The following FOXO1 variants were observed in gnomAD, a reference collection of about 807,000 sequenced individuals.
The protein encoded by FOXO1 is forkhead box O1.
Under a neutral mutation model 44.1 loss-of-function variants are expected in FOXO1, and 6 were observed. The ratio of observed to expected loss-of-function variants is 0.14; its 90% CI spans 0.07 to 0.27. The LOEUF (loss-of-function observed/expected upper bound fraction) is 0.27. Among genes scored for constraint, FOXO1 ranks in the 10% least tolerant of loss-of-function variants. The probability of loss-of-function intolerance (pLI) is 1.00; values close to 1 mark genes in which losing one functional copy is unlikely to be tolerated. For synonymous variants in FOXO1, 380 were observed against 362.7 expected (o/e 1.05, Z -0.54); for missense variants, 737 against 888.8 (o/e 0.83, Z 2.17).
intron 1 of FOXO1, chr13:40,619,192 G>T (rs910600551): frequency 1.7e-5 from 6 of 358,810 alleles, no homozygotes; most frequent in Non-Finnish European, 2.7e-5. Context: ...TACTCAGGAG[G>T]CTGAGGCAGG....
chr13:40,575,090 C>T (rs149321491), intron 1 of FOXO1, among the ~76,000 whole-genome samples: 295 of 151,770 alleles, frequency 1.9e-3, no homozygotes, highest in Middle Eastern at 3.4e-3. Context: ...CCAGCACTTT[C>T]GGAGGCAAAG....
intron 1 of FOXO1, among the ~76,000 whole-genome samples, chr13:40,610,434 C>A (rs774315284): frequency 2.4e-4 from 37 of 152,118 alleles, no homozygotes; most frequent in Non-Finnish European, 4.3e-4. Context: ...TTGTAATAAG[C>A]AGGTAATCCT....
chr13:40,657,226 T>C (rs1877886214), intron 1 of FOXO1, among the ~76,000 whole-genome samples: 1 of 152,104 alleles, frequency 6.6e-6, no homozygotes, highest in Admixed American at 6.5e-5. Flanking sequence ...ATGTCATTAG[T>C]AGAAAAGGTA....
At chr13:40,589,255 T>C (rs572433567) in intron 1 of FOXO1, among the ~76,000 whole-genome samples, 1 of 152,294 alleles carries the variant, frequency 6.6e-6, no homozygotes, top group Admixed American at 6.5e-5. Context: ...AACAGTTTAA[T>C]ACAACTCAAT....
At chr13:40,628,966 C>A (rs1876875258) in intron 1 of FOXO1, among the ~76,000 whole-genome samples, 1 of 152,160 alleles carries the variant, frequency 6.6e-6, no homozygotes, top group Admixed American at 6.5e-5. Context: ...ATACACTTAC[C>A]CAAACTCCCA....
At chr13:40,647,231 G>T (rs1309422503) in intron 1 of FOXO1, among the ~76,000 whole-genome samples, 2 of 151,986 alleles carry the variant, frequency 1.3e-5, no homozygotes, top group African/African-American at 4.8e-5. Context: ...TAACTTGTGT[G>T]GCCACCACCC....
intron 1 of FOXO1, among the ~76,000 whole-genome samples, chr13:40,599,197 AG>A (rs1875719798): frequency 6.6e-6 from 1 of 151,364 alleles, no homozygotes; most frequent in Non-Finnish European, 1.5e-5. Context: ...TGGCAATAAA[AG>A]TCAAGTGAAA....
intron 1 of FOXO1, among the ~76,000 whole-genome samples, chr13:40,642,606 C>T (rs1048290838): frequency 6.6e-6 from 1 of 152,172 alleles, no homozygotes; most frequent in Non-Finnish European, 1.5e-5. Flanking sequence ...TTAATTCCAG[C>T]CCTCTGTTCT....
At chr13:40,570,767 T>G (rs1274146987) in intron 1 of FOXO1, among the ~76,000 whole-genome samples, 2 of 152,214 alleles carry the variant, frequency 1.3e-5, no homozygotes, top group Admixed American at 6.5e-5. Context: ...GGCAAAGCCC[T>G]TTAATTTTCA....
intron 1 of FOXO1, among the ~76,000 whole-genome samples, chr13:40,640,794 GTTGTT>G (rs777479782): frequency 0.039 from 3,612 of 92,132 alleles, 121 homozygotes; most frequent in East Asian, 0.21. Flanking sequence ...TGTTGTTGTT[GTTGTT>G]TGAGACAGAG....
At chr13:40,649,858 T>A (rs1157897906) in intron 1 of FOXO1, among the ~76,000 whole-genome samples, 1 of 152,152 alleles carries the variant, frequency 6.6e-6, no homozygotes, top group African/African-American at 2.4e-5. Flanking sequence ...TAGTTCAGAA[T>A]AAAGCAATCA....
intron 1 of FOXO1, among the ~76,000 whole-genome samples, chr13:40,606,053 G>A (rs1166900096): frequency 6.6e-6 from 1 of 152,066 alleles, no homozygotes; most frequent in Non-Finnish European, 1.5e-5. Flanking sequence ...CCAAAATACT[G>A]TAGAATAACA....
Position 40,560,716 on chromosome 13 carries a change from T to C in FOXO1, c.775A>G (p.Asn259Asp). Residue 259 changes from asparagine (N) to aspartate (D), a missense_variant, in exon 2 of 3, where the codon AAC becomes GAC. Physicochemically the swap from Asn to Asp is conservative, Grantham distance 23. Transcript: ENST00000379561. This position sits in a 1 kb window ranked among gnomAD's most constrained non-coding sequence, Gnocchi z 5.1. ...CGGCTCTTAGCAAATTTACTGTTGT[T>C]GTCCATGGATGCAGCTCTTCTCCTA... Reference protein sequence around the residue: ...SPRRRAASMDNNSKFAKSRSR... With the variant: ...SPRRRAASMDDNSKFAKSRSR... The C allele has an allele frequency of 6.2e-7, 1 of 1,614,238 alleles. No individual in the cohort carries two copies. Among genetic ancestry groups the C allele is most frequent in the Non-Finnish European group, 8.5e-7 (1 of 1,180,036 alleles).
At chr13:40,613,961 G>A (rs538942308) in intron 1 of FOXO1, among the ~76,000 whole-genome samples, 35 of 152,276 alleles carry the variant, frequency 2.3e-4, no homozygotes, top group African/African-American at 8.4e-4. Context: ...AAAATAAAGG[G>A]TGAAAAAACT....
At chr13:40,574,656 A>C (rs1452959965) in intron 1 of FOXO1, among the ~76,000 whole-genome samples, 1 of 152,178 alleles carries the variant, frequency 6.6e-6, no homozygotes, top group Non-Finnish European at 1.5e-5. Context: ...CTTTTCTCTG[A>C]ACCAACATGT....
At position 40,666,398 on chromosome 13, in the gene FOXO1, C is replaced by T. The variant is rs1878258680; in HGVS notation, c.-186G>A. ...GAAGCGCGAGCCCAGAACTTAACTT[C>T]GCGGGGCCATCCACATCGAGGCTCC... On this transcript the variant is annotated 5_prime_UTR_variant, in exon 1 of 3. Transcript: ENST00000379561. 2 of 455,986 alleles carry T rather than the reference C, an allele frequency of 4.4e-6. No homozygotes were observed. Among genetic ancestry groups the T allele is most frequent in the Admixed American group, 4.4e-5 (1 of 22,712 alleles). 28.2% of individuals were successfully genotyped at this position (455,986 alleles called of 1,614,324 possible).
rs187475002 is a variant in FOXO1, at chr13:40,646,995, T to C, written c.630+18588A>G. Among the ~76,000 whole-genome samples the C allele has an allele frequency of 1.0e-3, 152 of 152,352 alleles. 2 individuals are homozygous for C. The highest frequency in any genetic ancestry group is 3.3e-3 in the African/African-American group (137 of 41,586). On this transcript the variant is annotated intron_variant, in intron 1 of 2. Coordinates refer to ENST00000379561, the MANE Select transcript of FOXO1 (RefSeq NM_002015.4). ...ATATGCCACCCCAAAATATACTTCCTTGGCATATTTTGAGCTGGTTATTCT... is the reference window on the plus strand; with the variant it reads ...ATATGCCACCCCAAAATATACTTCCCTGGCATATTTTGAGCTGGTTATTCT...
chr13:40,633,614 G>A (rs1299905455), intron 1 of FOXO1, among the ~76,000 whole-genome samples: 2 of 152,142 alleles, frequency 1.3e-5, no homozygotes, highest in Non-Finnish European at 2.9e-5. Context: ...AGGGAGATAT[G>A]GGAAGAATGG....
intron 1 of FOXO1, among the ~76,000 whole-genome samples, chr13:40,570,579 A>G (rs1340636007): frequency 6.6e-6 from 1 of 152,348 alleles, no homozygotes; most frequent in Admixed American, 6.5e-5. Context: ...AACCTCATAC[A>G]TTTAGGATTG....
Sources: gnomAD v4.1 joint callset for allele counts (sites outside exome capture counted in the v4.1 genomes callset) on GRCh38, gnomAD v4.1.1 for gene constraint, Gnocchi (gnomAD v3.1) non-coding constraint, MANE v1.5 for transcripts, NCBI Gene and HGNC (gene_info 2026-07-23, HGNC 2026-07-21) for gene names.